The following ANGPT1 variants were observed in gnomAD, a reference collection of about 807,000 sequenced individuals.
ANGPT1 encodes the protein angiopoietin 1.
In ANGPT1, 17 loss-of-function variants were observed where a neutral mutation model predicts 62.2. That is an observed-to-expected ratio of 0.27 (90% CI 0.19 to 0.41). ANGPT1 has a LOEUF of 0.41. ANGPT1 is among the 10% of genes least tolerant of loss of function. ANGPT1 has a pLI of 1.00. For synonymous variants in ANGPT1, 199 were observed against 198.9 expected, an observed-to-expected ratio of 1.00 and a Z score of 0.00; for missense variants, 478 against 594.9, an observed-to-expected ratio of 0.80 and a Z score of 2.04.
intron 4 of ANGPT1, 81 bp downstream of exon 4, chr8:107,321,815 C>A: frequency 8.4e-7 from 1 of 1,196,524 alleles, no homozygotes; most frequent in East Asian, 2.4e-5. Flanking sequence ...AATCAATGCA[C>A]TGTAGAAAGC....
chr8:107,308,520 G>T (rs566045433), intron 4 of ANGPT1, among the ~76,000 whole-genome samples: 2 of 152,208 alleles, frequency 1.3e-5, no homozygotes, highest in East Asian at 3.9e-4. Context: ...TTAGAGGTAT[G>T]TATCAAGCAC....
At chr8:107,374,693 A>G (rs553065524) in intron 1 of ANGPT1, among the ~76,000 whole-genome samples, 63 of 152,330 alleles carry the variant, frequency 4.1e-4, no homozygotes, top group African/African-American at 1.4e-3. Context: ...AGAACAATCT[A>G]TCTGACAAAA....
At chr8:107,497,147 G>GC (rs1813124369) in intron 1 of ANGPT1, 115 bp downstream of exon 1, 15 of 1,235,162 alleles carry the variant, frequency 1.2e-5, no homozygotes, top group Non-Finnish European at 1.5e-5. Context: ...TGCAAACACT[G>GC]CCCCCCTGGA....
At chr8:107,277,028 C>T (rs981777038) in intron 7 of ANGPT1, among the ~76,000 whole-genome samples, 1 of 151,942 alleles carries the variant, frequency 6.6e-6, no homozygotes, top group South Asian at 2.1e-4. Flanking sequence ...AATATAAAGT[C>T]AATAAAATAT....
chr8:107,461,705 G>A (rs1046991523), intron 1 of ANGPT1, among the ~76,000 whole-genome samples: 11 of 151,982 alleles, frequency 7.2e-5, no homozygotes, highest in African/African-American at 2.7e-4. Context: ...TGTGGCCAAA[G>A]TACACCATTA....
intron 1 of ANGPT1, among the ~76,000 whole-genome samples, chr8:107,455,882 C>G (rs890660684): frequency 6.6e-6 from 1 of 151,934 alleles, no homozygotes; most frequent in Non-Finnish European, 1.5e-5. Context: ...TCAAGCATGG[C>G]AACAGCCTCA....
intron 4 of ANGPT1, among the ~76,000 whole-genome samples, chr8:107,314,477 T>G (rs1051282332): frequency 6.6e-5 from 10 of 152,214 alleles, no homozygotes; most frequent in African/African-American, 1.9e-4. Flanking sequence ...ATTCACAATT[T>G]TTTTTACAGA....
chr8:107,415,328 T>G (rs1232766149), intron 1 of ANGPT1, among the ~76,000 whole-genome samples: 1 of 152,154 alleles, frequency 6.6e-6, no homozygotes, highest in Non-Finnish European at 1.5e-5. Flanking sequence ...GACCATTATC[T>G]AGGCTTGTAT....
At chr8:107,463,278 A>G (rs1251761609) in intron 1 of ANGPT1, among the ~76,000 whole-genome samples, 3 of 152,064 alleles carry the variant, frequency 2.0e-5, no homozygotes, top group Non-Finnish European at 4.4e-5. Context: ...TTCCCCACTC[A>G]AACATTCAGA....
chr8:107,497,115 A>T, intron 1 of ANGPT1, 147 bp downstream of exon 1: 1 of 966,354 alleles, frequency 1.0e-6, no homozygotes, highest in Non-Finnish European at 1.5e-6. Flanking sequence ...AGGAAGCCAA[A>T]CCCAGACAGC....
At position 107,250,584 on chromosome 8, in the gene ANGPT1, C is replaced by T. The variant is rs925687231; in HGVS notation, c.*1271G>A. 1 of 151,952 alleles carries T rather than the reference C, an allele frequency of 6.6e-6. No individual in the cohort carries two copies. The highest frequency in any genetic ancestry group is 1.5e-5 in the Non-Finnish European group (1 of 67,960). The allele number at this position is 151,952 out of a possible 1,614,324, so 9.4% of individuals were successfully genotyped here. On this transcript the variant is annotated 3_prime_UTR_variant, in exon 9 of 9. Transcript: ENST00000517746. ...AAGGGATATAGTAGATTTCTTTGAG[C>T]ATTTGTGTTATTTGCATCAATTAAG... is the stretch of plus-strand genomic sequence containing the variant.
intron 8 of ANGPT1, 95 bp from the exon 9 acceptor site, chr8:107,252,110 C>G: frequency 7.7e-7 from 1 of 1,301,350 alleles, no homozygotes; most frequent in South Asian, 1.4e-5. Context: ...TGATGGGAAA[C>G]TTGCTTGTTC....
At chr8:107,259,384 T>A (rs1813441465) in intron 8 of ANGPT1, among the ~76,000 whole-genome samples, 1 of 152,126 alleles carries the variant, frequency 6.6e-6, no homozygotes, top group Admixed American at 6.5e-5. Flanking sequence ...GTCAACTGTC[T>A]GCTGTTAGCA....
rs374143410 is a variant in ANGPT1 at position 107,256,718 on chromosome 8, T to C, written c.1337-4703A>G. 3.9e-5 allele frequency among the ~76,000 whole-genome samples: 6 copies of C among 152,274 alleles called. No homozygotes were observed. In the East Asian group the frequency reaches 7.7e-4, roughly 20 times the overall value. Reference sequence around the variant, plus strand: ...TAAGAAATATCCTAGAGCAATTCATTTAGGGAAGGCACTTCAAGCCTGAAA... The same window carrying C: ...TAAGAAATATCCTAGAGCAATTCATCTAGGGAAGGCACTTCAAGCCTGAAA... On this transcript the variant is annotated intron_variant, in intron 8 of 8. Coordinates refer to ENST00000517746, the MANE Select transcript of ANGPT1 (RefSeq NM_001146.5).
In ANGPT1 at chr8:107,438,220, A is replaced by G. The variant is rs554357089; in HGVS notation, c.297+59042T>C. On this transcript the variant is annotated intron_variant, in intron 1 of 8. Coordinates refer to ENST00000517746, the MANE Select transcript of ANGPT1 (RefSeq NM_001146.5). The stretch of plus-strand genomic sequence containing the variant: ...TGTGAAATCCCAGTTTACCTTTAGC[A>G]TTATGATTATTTCTTTTCCTTCTTT... 2.0e-3 allele frequency among the ~76,000 whole-genome samples: 304 copies of G among 152,276 alleles called. 1 individual carries two copies. The highest frequency in any genetic ancestry group is 8.5e-3 in the South Asian group (41 of 4,828).
At chr8:107,261,978 T>C (rs1813502603) in intron 8 of ANGPT1, among the ~76,000 whole-genome samples, 1 of 152,014 alleles carries the variant, frequency 6.6e-6, no homozygotes, top group Non-Finnish European at 1.5e-5. Context: ...GTGGATGACC[T>C]GAGGTCAGGG....
intron 1 of ANGPT1, among the ~76,000 whole-genome samples, chr8:107,466,964 C>A (rs373116887): frequency 2.0e-5 from 3 of 151,962 alleles, no homozygotes; most frequent in Admixed American, 2.0e-4. Flanking sequence ...TCCTGCTCCA[C>A]CAGTACTACC....
At chr8:107,418,571 T>G (rs945486472) in intron 1 of ANGPT1, among the ~76,000 whole-genome samples, 11 of 152,186 alleles carry the variant, frequency 7.2e-5, no homozygotes, top group African/African-American at 2.4e-4. Flanking sequence ...AAAGATGAAG[T>G]GCAATATTTG....
At chr8:107,264,080 T>C in intron 8 of ANGPT1, 141 bp downstream of exon 8, 6 of 1,033,856 alleles carry the variant, frequency 5.8e-6, no homozygotes, top group Non-Finnish European at 7.9e-6. Flanking sequence ...GCAGGGTAAA[T>C]TCGTGGGCAG....
Sources: allele counts gnomAD v4.1 joint callset (sites outside exome capture counted in the v4.1 genomes callset), GRCh38; gene constraint gnomAD v4.1.1; transcripts MANE v1.5; gene names NCBI Gene and HGNC (gene_info 2026-07-23, HGNC 2026-07-21).